Variants in SGCG observed in about 807,000 individuals in gnomAD.
SGCG encodes the protein gamma-sarcoglycan.
SGCG carries 26 observed loss-of-function variants against 29.3 expected under a neutral mutation model. That is an observed-to-expected ratio of 0.89 (90% CI 0.65 to 1.23). The LOEUF is 1.23. SGCG is among the 50% of genes most tolerant of loss of function. The pLI is 0.00. For missense variants in SGCG, 353 were observed against 356.0 expected (o/e 0.99, Z 0.07); for synonymous variants, 145 against 129.7 (o/e 1.12, Z -0.80).
intron 4 of SGCG, among the ~76,000 whole-genome samples, chr13:23,259,220 C>T (rs1177811841): frequency 1.3e-5 from 2 of 151,854 alleles, no homozygotes; most frequent in Admixed American, 6.6e-5. Context: ...TCAATTTCAG[C>T]GCCTGTTATT....
chr13:23,266,785 T>G (rs1043235920), intron 4 of SGCG, among the ~76,000 whole-genome samples: 1 of 152,180 alleles, frequency 6.6e-6, no homozygotes, highest in Non-Finnish European at 1.5e-5. Context: ...ATATACCTGC[T>G]CCCTCTTTTC....
intron 5 of SGCG, among the ~76,000 whole-genome samples, chr13:23,283,441 C>A (rs993536334): frequency 3.3e-5 from 5 of 151,922 alleles, no homozygotes; most frequent in African/African-American, 1.2e-4. Context: ...GAATGTAATC[C>A]CTGCTTTATC....
chr13:23,306,346 A>T (rs1231878648), intron 6 of SGCG, among the ~76,000 whole-genome samples: 1 of 152,302 alleles, frequency 6.6e-6, no homozygotes, highest in African/African-American at 2.4e-5. Flanking sequence ...ACAGTGTTTT[A>T]ATATTAATAG....
At chr13:23,274,437 C>G (rs1880991395) in intron 4 of SGCG, among the ~76,000 whole-genome samples, 1 of 112,304 alleles carries the variant, frequency 8.9e-6, no homozygotes. Context: ...GGGTCTTGCT[C>G]TGTCTCCCAG....
intron 6 of SGCG, among the ~76,000 whole-genome samples, chr13:23,302,441 TAGCC>T (rs1042094272): frequency 6.6e-6 from 1 of 152,062 alleles, no homozygotes; most frequent in African/African-American, 2.4e-5. Flanking sequence ...TTGTATCTAT[TAGCC>T]AGCCCCTCCC....
intron 4 of SGCG, among the ~76,000 whole-genome samples, chr13:23,276,901 G>T (rs1296250740): frequency 6.6e-6 from 1 of 152,164 alleles, no homozygotes; most frequent in African/African-American, 2.4e-5. Flanking sequence ...TTTCTTTTTA[G>T]TGAACCACAG....
chr13:23,195,411 G>C (rs943624294), intron 1 of SGCG, among the ~76,000 whole-genome samples: 8 of 152,122 alleles, frequency 5.3e-5, no homozygotes, highest in Non-Finnish European at 1.2e-4. Context: ...AGTTTTATAA[G>C]CTAACATTTG....
upstream of SGCG, among the ~76,000 whole-genome samples, chr13:23,176,113 C>T (rs1165156693): frequency 6.6e-6 from 1 of 152,074 alleles, no homozygotes; most frequent in African/African-American, 2.4e-5. Flanking sequence ...TTTAATTTGT[C>T]CCCAAAACCA....
chr13:23,213,527 T>C (rs1487417410), intron 2 of SGCG, among the ~76,000 whole-genome samples: 2 of 152,152 alleles, frequency 1.3e-5, no homozygotes, highest in African/African-American at 4.8e-5. Flanking sequence ...TAAAATTATA[T>C]TGTATCTGTC....
intron 2 of SGCG, among the ~76,000 whole-genome samples, chr13:23,228,649 C>T (rs1878992312): frequency 6.6e-6 from 1 of 152,036 alleles, no homozygotes; most frequent in African/African-American, 2.4e-5. Context: ...GTCCCAGGGT[C>T]TGTTGTTCCC....
chr13:23,320,030 C>G (rs143896108), intron 6 of SGCG, among the ~76,000 whole-genome samples: 2,674 of 152,228 alleles, frequency 0.018, 52 homozygotes, highest in South Asian at 0.022. Context: ...TCCATTTGCC[C>G]TGTAATGTTT....
chr13:23,248,596 A>T (rs1879818757), intron 3 of SGCG, among the ~76,000 whole-genome samples: 1 of 151,432 alleles, frequency 6.6e-6, no homozygotes. Flanking sequence ...CCGGAGGCTG[A>T]GGCAGGAGAA....
intron 2 of SGCG, among the ~76,000 whole-genome samples, chr13:23,233,444 GTACAAT>G (rs1428018499): frequency 6.6e-6 from 1 of 152,106 alleles, no homozygotes; most frequent in Non-Finnish European, 1.5e-5. Flanking sequence ...CCCAAAATGT[GTACAAT>G]TACAATGTCT....
At chr13:23,309,748 T>A (rs1049175215) in intron 6 of SGCG, among the ~76,000 whole-genome samples, 1 of 152,188 alleles carries the variant, frequency 6.6e-6, no homozygotes, top group Non-Finnish European at 1.5e-5. Context: ...CAATCAAAGG[T>A]TTGGTGTAAA....
intron 2 of SGCG, among the ~76,000 whole-genome samples, chr13:23,223,579 A>G (rs181319862): frequency 3.3e-5 from 5 of 152,204 alleles, no homozygotes; most frequent in Non-Finnish European, 5.9e-5. Flanking sequence ...GTCACGTTTC[A>G]GATAATAGGA....
Position 23,192,123 on chromosome 13 carries a change from C to G in SGCG, c.-1+11048C>G, listed in dbSNP as rs1297715778. On this transcript the variant is annotated intron_variant, in intron 1 of 7. Transcript: ENST00000218867. Reference sequence around the variant, plus strand: ...CCGGGAAGCGGAGTTTGCAGTGAGCCGAGATCGCGCCATTGCACTCCAGCC... The same window carrying G: ...CCGGGAAGCGGAGTTTGCAGTGAGCGGAGATCGCGCCATTGCACTCCAGCC... Among the ~76,000 whole-genome samples, 6 of 148,216 alleles carry G rather than the reference C, an allele frequency of 4.0e-5. No individual in the cohort carries two copies. In the Admixed American group the frequency reaches 4.1e-4, roughly 10 times the overall value.
intron 4 of SGCG, among the ~76,000 whole-genome samples, chr13:23,271,014 G>C (rs563867694): frequency 2.6e-5 from 4 of 152,212 alleles, no homozygotes; most frequent in African/African-American, 7.2e-5. Context: ...CTGAGGTCAG[G>C]AGTTCAAGAC....
At chr13:23,286,131 C>A (rs1355540283) in intron 5 of SGCG, among the ~76,000 whole-genome samples, 1 of 152,164 alleles carries the variant, frequency 6.6e-6, no homozygotes, top group Non-Finnish European at 1.5e-5. Context: ...CCAGCTGTTC[C>A]ATTAAGTAAG....
chr13:23,287,561 A>G (rs747761723), intron 5 of SGCG, among the ~76,000 whole-genome samples: 4 of 152,232 alleles, frequency 2.6e-5, no homozygotes, highest in Non-Finnish European at 4.4e-5. Context: ...GCTGTGAGCT[A>G]ACACATGAGG....
Sources: gnomAD v4.1 joint callset for allele counts (sites outside exome capture counted in the v4.1 genomes callset) on GRCh38, gnomAD v4.1.1 for gene constraint, MANE v1.5 for transcripts, NCBI Gene and HGNC (gene_info 2026-07-23, HGNC 2026-07-21) for gene names.